The following ROBO2 variants were observed in gnomAD, a reference collection of about 807,000 sequenced individuals.
The protein encoded by ROBO2 is roundabout guidance receptor 2.
ROBO2 carries 53 observed loss-of-function variants against 160.8 expected under a neutral mutation model. The ratio of observed to expected loss-of-function variants is 0.33; its 90% CI spans 0.26 to 0.41. The LOEUF is 0.41. ROBO2 is among the 10% of genes least tolerant of loss of function. The probability of loss-of-function intolerance (pLI) is 1.00; values close to 1 mark genes in which losing one functional copy is unlikely to be tolerated. For synonymous variants in ROBO2, 664 were observed against 611.7 expected (o/e 1.09, Z -1.26); for missense variants, 1,577 against 1,722.4 (o/e 0.92, Z 1.49).
At chr3:76,253,937 A>G (rs185104207) in intron 2 of ROBO2, among the ~76,000 whole-genome samples, 86 of 152,176 alleles carry the variant, frequency 5.7e-4, no homozygotes, top group Non-Finnish European at 6.6e-4. Context: ...AAATTTTTAG[A>G]AACCATAAGA....
chr3:76,863,016 C>G (rs145713798), intron 2 of ROBO2, among the ~76,000 whole-genome samples: 2 of 152,212 alleles, frequency 1.3e-5, no homozygotes, highest in East Asian at 1.9e-4. Flanking sequence ...CATACCTAAT[C>G]ATTAACTTAT....
intron 2 of ROBO2, among the ~76,000 whole-genome samples, chr3:77,444,841 T>G (rs1319716060): frequency 6.6e-6 from 1 of 152,150 alleles, no homozygotes; most frequent in South Asian, 2.1e-4. Flanking sequence ...AGTTAGTGTC[T>G]CCAGTTAGGA....
At chr3:77,349,963 A>G in intron 2 of ROBO2, among the ~76,000 whole-genome samples, 1 of 152,074 alleles carries the variant, frequency 6.6e-6, no homozygotes, top group East Asian at 1.9e-4. Context: ...ATTGAAAGTT[A>G]GTTGACCTTC....
At chr3:77,642,936 C>T (rs866945031) in intron 24 of ROBO2, 6 of 456,396 alleles carry the variant, frequency 1.3e-5, no homozygotes, top group South Asian at 3.1e-5. Flanking sequence ...AACAAGGTGT[C>T]GGATCAGGTG....
intron 2 of ROBO2, among the ~76,000 whole-genome samples, chr3:77,390,088 T>C (rs969011684): frequency 2.0e-5 from 3 of 152,180 alleles, no homozygotes; most frequent in African/African-American, 7.2e-5. Flanking sequence ...TGGGTCATTA[T>C]GGGGAAGTGG....
chr3:76,914,370 T>C (rs1370662496), intron 2 of ROBO2, among the ~76,000 whole-genome samples: 1 of 152,172 alleles, frequency 6.6e-6, no homozygotes, highest in African/African-American at 2.4e-5. Context: ...AATCTCAGAA[T>C]TTCCCTGCTC....
chr3:77,410,699 T>TCTTCCTCCTCCTCC (rs1560758742), intron 2 of ROBO2, among the ~76,000 whole-genome samples: 24 of 40,992 alleles, frequency 5.9e-4, no homozygotes, highest in African/African-American at 2.6e-3. Flanking sequence ...CCTCCTCCTC[T>TCTTCCTCCTCCTCC]TCCTCCTCCT....
At chr3:76,353,878 G>A (rs748048405) in intron 2 of ROBO2, among the ~76,000 whole-genome samples, 1 of 151,842 alleles carries the variant, frequency 6.6e-6, no homozygotes, top group African/African-American at 2.4e-5. Flanking sequence ...AACGTCTGGG[G>A]CATTTGCAAA....
At chr3:77,131,058 C>T (rs1394791884) in intron 2 of ROBO2, among the ~76,000 whole-genome samples, 1 of 152,104 alleles carries the variant, frequency 6.6e-6, no homozygotes, top group African/African-American at 2.4e-5. Context: ...GGGACACTGC[C>T]AGCCAAAAGT....
intron 2 of ROBO2, among the ~76,000 whole-genome samples, chr3:76,165,792 G>C (rs1451569932): frequency 6.6e-6 from 1 of 152,126 alleles, no homozygotes; most frequent in East Asian, 1.9e-4. Flanking sequence ...AAGGCTGGAG[G>C]AGGAGAGAGA....
chr3:77,397,132 T>G (rs2075355558), intron 2 of ROBO2, among the ~76,000 whole-genome samples: 1 of 152,096 alleles, frequency 6.6e-6, no homozygotes, highest in Admixed American at 6.6e-5. Context: ...ATAAGTCAAG[T>G]TTCTGGGGAA....
chr3:77,243,671 T>C (rs2089345180), intron 2 of ROBO2, among the ~76,000 whole-genome samples: 1 of 152,196 alleles, frequency 6.6e-6, no homozygotes, highest in African/African-American at 2.4e-5. Context: ...ATACTTGAGC[T>C]TGAAACCCAG....
intron 2 of ROBO2, among the ~76,000 whole-genome samples, chr3:76,849,965 T>A (rs975948957): frequency 6.6e-6 from 1 of 152,154 alleles, no homozygotes; most frequent in Non-Finnish European, 1.5e-5. Flanking sequence ...GGTGGGTGGA[T>A]CACTTGAGGT....
At chr3:76,420,728 C>T (rs2075961864) in intron 2 of ROBO2, among the ~76,000 whole-genome samples, 1 of 152,088 alleles carries the variant, frequency 6.6e-6, no homozygotes, top group Admixed American at 6.6e-5. Flanking sequence ...CTAAGAGATT[C>T]CAACTATTTT....
At position 76,918,249 on chromosome 3, in the gene ROBO2, C is replaced by G. The variant is rs556747890; in HGVS notation, c.110-179765C>G. ...GAGGTGGTTTCCCCCATGCTGTTCT[C>G]ACGATAGTGAGTGAGTTCTCGTGAG... On this transcript the variant is annotated intron_variant, in intron 2 of 26. Transcript: ENST00000487694. 2.7e-4 allele frequency among the ~76,000 whole-genome samples: 41 copies of G among 152,260 alleles called. 1 individual carries two copies. In the South Asian group the frequency reaches 7.7e-3, roughly 29 times the overall value.
intron 2 of ROBO2, among the ~76,000 whole-genome samples, chr3:76,347,979 C>G (rs1371786804): frequency 6.6e-6 from 1 of 152,142 alleles, no homozygotes; most frequent in African/African-American, 2.4e-5. Flanking sequence ...AGCTAAAAAT[C>G]CGTCAGTTAC....
At chr3:77,538,897 T>G in intron 6 of ROBO2, 1 of 486,462 alleles carries the variant, frequency 2.1e-6, no homozygotes. Context: ...TTAACTAATT[T>G]TTGCAGAAAC....
At chr3:76,064,120 G>T (rs76660686) in intron 2 of ROBO2, among the ~76,000 whole-genome samples, 1 of 152,130 alleles carries the variant, frequency 6.6e-6, no homozygotes, top group African/African-American at 2.4e-5. Flanking sequence ...CAAGTTTCAC[G>T]TGAGAATTGC....
At chr3:76,131,271 A>G (rs1236758711) in intron 2 of ROBO2, among the ~76,000 whole-genome samples, 1 of 152,184 alleles carries the variant, frequency 6.6e-6, no homozygotes, top group African/African-American at 2.4e-5. Context: ...AATTTATGAA[A>G]TGAAGATCAA....
Sources: allele counts gnomAD v4.1 joint callset (sites outside exome capture counted in the v4.1 genomes callset), GRCh38; gene constraint gnomAD v4.1.1; transcripts MANE v1.5; gene names NCBI Gene and HGNC (gene_info 2026-07-23, HGNC 2026-07-21).